Variants in CSMD1 observed in about 807,000 individuals in gnomAD.
CSMD1 encodes CUB and sushi domain-containing protein 1.
In CSMD1, 213 loss-of-function variants were observed where a neutral mutation model predicts 417.5. That is an observed-to-expected ratio of 0.51 (90% CI 0.46 to 0.57). The LOEUF is 0.57. Ranked by LOEUF, CSMD1 falls within the 20% of genes least tolerant of loss-of-function variation. The probability of loss-of-function intolerance (pLI) is 0.00; values close to 1 mark genes in which losing one functional copy is unlikely to be tolerated. For synonymous variants in CSMD1, 2,862 were observed against 1,736.8 expected, an observed-to-expected ratio of 1.65 and a Z score of -16.11; for missense variants, 6,923 against 4,529.7, an observed-to-expected ratio of 1.53 and a Z score of -15.17.
chr8:3,858,665 C>T (rs1386986837), intron 5 of CSMD1, among the ~76,000 whole-genome samples: 1 of 130,542 alleles, frequency 7.7e-6, no homozygotes, highest in East Asian at 2.2e-4. Context: ...TTATAATCTT[C>T]AGGAGAACTT....
intron 1 of CSMD1, among the ~76,000 whole-genome samples, chr8:4,713,685 C>G (rs758801391): frequency 3.9e-5 from 6 of 152,108 alleles, no homozygotes; most frequent in Non-Finnish European, 7.3e-5. Context: ...CCCAGAGCTC[C>G]AGCTGCTCGC....
rs78626236 is a variant in CSMD1, at chr8:3,464,291, A to C, written c.1561+4421T>G. On this transcript the variant is annotated intron_variant, in intron 12 of 69. Coordinates refer to ENST00000635120, the MANE Select transcript of CSMD1 (RefSeq NM_033225.6). Reference sequence around the variant, plus strand: ...GCCATAAAAACGTGGGACCACTACAATAGCAAACATGTAATTGCTTATAAA... The same window carrying C: ...GCCATAAAAACGTGGGACCACTACACTAGCAAACATGTAATTGCTTATAAA... Among the ~76,000 whole-genome samples, 4 of 152,144 alleles carry C rather than the reference A, an allele frequency of 2.6e-5. No homozygotes were observed. In the South Asian group the frequency reaches 8.3e-4, roughly 31 times the overall value.
In CSMD1 at chr8:4,095,112, C is replaced by A. The variant is rs140380369; in HGVS notation, c.416-63013G>T. Among the ~76,000 whole-genome samples, 289 of 152,130 alleles carry A rather than the reference C, an allele frequency of 1.9e-3. 1 individual carries two copies. The highest frequency in any genetic ancestry group is 6.6e-3 in the African/African-American group (274 of 41,514). ...CTGCAGAGGAAACAAAGTGACGTGA[C>A]GGATATGGAAAGAACTTGGGAGGAA... On this transcript the variant is annotated intron_variant, in intron 3 of 69. Coordinates refer to ENST00000635120, the MANE Select transcript of CSMD1 (RefSeq NM_033225.6).
intron 2 of CSMD1, among the ~76,000 whole-genome samples, chr8:4,633,200 C>T (rs1475782069): frequency 6.6e-6 from 1 of 151,874 alleles, no homozygotes; most frequent in African/African-American, 2.4e-5. Flanking sequence ...CTATTAGGAT[C>T]AAAAACAGGC....
At chr8:4,777,966 T>C (rs75026704) in intron 1 of CSMD1, among the ~76,000 whole-genome samples, 3,705 of 152,310 alleles carry the variant, frequency 0.024, 163 homozygotes, top group African/African-American at 0.085. Flanking sequence ...AAATACGTTT[T>C]ACATAGGGTT....
chr8:4,491,753 G>C (rs1486908390), intron 2 of CSMD1, among the ~76,000 whole-genome samples: 1 of 152,164 alleles, frequency 6.6e-6, no homozygotes, highest in Non-Finnish European at 1.5e-5. Flanking sequence ...GCAACAGGAA[G>C]GCTCACTCAC....
At chr8:4,138,758 T>G (rs1019310607) in intron 3 of CSMD1, among the ~76,000 whole-genome samples, 1 of 152,204 alleles carries the variant, frequency 6.6e-6, no homozygotes, top group Non-Finnish European at 1.5e-5. Flanking sequence ...ACCAACTAGT[T>G]ATCTTTAATT....
intron 41 of CSMD1, among the ~76,000 whole-genome samples, chr8:3,135,449 T>C (rs1288446944): frequency 2.0e-5 from 3 of 151,074 alleles, no homozygotes; most frequent in Non-Finnish European, 4.4e-5. Context: ...ATCACATTTC[T>C]GACTCTGTGA....
intron 1 of CSMD1, among the ~76,000 whole-genome samples, chr8:4,978,415 A>G (rs1163368995): frequency 2.0e-5 from 3 of 152,134 alleles, no homozygotes; most frequent in African/African-American, 7.2e-5. Context: ...GTTTGGGTGG[A>G]GGGTATGTTT....
At chr8:4,729,445 G>A (rs1451779596) in intron 1 of CSMD1, among the ~76,000 whole-genome samples, 1 of 152,134 alleles carries the variant, frequency 6.6e-6, no homozygotes, top group African/African-American at 2.4e-5. Flanking sequence ...TGCGGCAGAG[G>A]GGAGCAGAGA....
intron 10 of CSMD1, among the ~76,000 whole-genome samples, chr8:3,552,295 C>G (rs1210115167): frequency 6.6e-6 from 1 of 151,484 alleles, no homozygotes; most frequent in Non-Finnish European, 1.5e-5. Context: ...ATGCATCATC[C>G]ACATGGCATG....
rs1053479501 is a variant in CSMD1, at chr8:4,721,942, A to C, written c.86-84384T>G. On this transcript the variant is annotated intron_variant, in intron 1 of 69. Coordinates refer to ENST00000635120, the MANE Select transcript of CSMD1 (RefSeq NM_033225.6). ...AAACACGAAAGAAAAACTAGAATTTATTTCATATCTATAATCTTACAAAAA... is the reference window on the plus strand; with the variant it reads ...AAACACGAAAGAAAAACTAGAATTTCTTTCATATCTATAATCTTACAAAAA... 5.3e-5 allele frequency among the ~76,000 whole-genome samples: 8 copies of C among 152,312 alleles called. No individual in the cohort carries two copies. The South Asian group carries it at 6.2e-4, about 12-fold the overall frequency.
rs370795195 is a variant in CSMD1 at position 4,967,943 on chromosome 8, G to A, written c.85+26389C>T. ...ACTTTCCAAAATGATTGAAAATGATGTATTTTTTTTTCTAAATAAAGACGA... is the reference window on the plus strand; with the variant it reads ...ACTTTCCAAAATGATTGAAAATGATATATTTTTTTTTCTAAATAAAGACGA... On this transcript the variant is annotated intron_variant, in intron 1 of 69. Coordinates refer to ENST00000635120, the MANE Select transcript of CSMD1 (RefSeq NM_033225.6). Among the ~76,000 whole-genome samples, 12 of 152,178 alleles carry A rather than the reference G, an allele frequency of 7.9e-5. 1 individual carries two copies. The South Asian group carries it at 2.5e-3, about 32-fold the overall frequency.
intron 10 of CSMD1, among the ~76,000 whole-genome samples, chr8:3,523,242 A>C (rs138866041): frequency 0.014 from 2,129 of 152,310 alleles, 55 homozygotes; most frequent in African/African-American, 0.048. Flanking sequence ...TAAGACCTAA[A>C]GCATCTACCA....
chr8:3,671,495 T>C (rs151086730), intron 7 of CSMD1, among the ~76,000 whole-genome samples: 4,509 of 12,498 alleles, frequency 0.36, 659 homozygotes, highest in Admixed American at 0.43. Flanking sequence ...ATATATATGA[T>C]CATATATATA....
At chr8:4,873,222 G>C (rs1197868378) in intron 1 of CSMD1, among the ~76,000 whole-genome samples, 2 of 152,078 alleles carry the variant, frequency 1.3e-5, no homozygotes, top group African/African-American at 4.8e-5. Flanking sequence ...TTGGGGTTTG[G>C]TGGTGGGAAT....
intron 1 of CSMD1, among the ~76,000 whole-genome samples, chr8:4,876,385 C>A (rs754106739): frequency 6.6e-6 from 1 of 152,042 alleles, no homozygotes; most frequent in Admixed American, 6.6e-5. Context: ...CTCTGAAATA[C>A]AGAGCAAACC....
chr8:4,278,448 T>C (rs1796605387), intron 3 of CSMD1, among the ~76,000 whole-genome samples: 1 of 152,210 alleles, frequency 6.6e-6, no homozygotes, highest in South Asian at 2.1e-4. Flanking sequence ...GCTATAGCTA[T>C]ATAAAATATA....
In CSMD1 at chr8:3,900,430, G is replaced by A. The variant is rs371801554; in HGVS notation, c.818+97473C>T. Among the ~76,000 whole-genome samples, 216 of 151,694 alleles carry A rather than the reference G, an allele frequency of 1.4e-3. 2 individuals are homozygous for A. Among genetic ancestry groups the A allele is most frequent in the African/African-American group, 5.0e-3 (206 of 41,084 alleles). On this transcript the variant is annotated intron_variant, in intron 5 of 69. Transcript: ENST00000635120. Reference sequence around the variant, plus strand: ...GACAGGGCAGCTGGGTGACAGTGTAGCTGGGTGACAGCACAGCTGCATAAC... The same window carrying A: ...GACAGGGCAGCTGGGTGACAGTGTAACTGGGTGACAGCACAGCTGCATAAC...
Sources: allele counts gnomAD v4.1 joint callset (sites outside exome capture counted in the v4.1 genomes callset), GRCh38; gene constraint gnomAD v4.1.1; transcripts MANE v1.5; gene names NCBI Gene and HGNC (gene_info 2026-07-23, HGNC 2026-07-21).